ALG12: variants seen among roughly 807,000 people sequenced by gnomAD.
ALG12 encodes ALG12 alpha-1,6-mannosyltransferase, also known as dol-P-Man:Man(7)GlcNAc(2)-PP-Dol alpha-1,6-mannosyltransferase.
A neutral mutation model predicts 46.0 loss-of-function variants in ALG12; 36 were observed. The ratio of observed to expected loss-of-function variants is 0.78; its 90% CI spans 0.60 to 1.03. The LOEUF (loss-of-function observed/expected upper bound fraction) is 1.03. Among genes scored for constraint, ALG12 ranks in the 50% least tolerant of loss-of-function variants. The pLI, the probability that ALG12 is intolerant of heterozygous loss-of-function variation, is 0.00. For missense variants in ALG12, 599 were observed against 633.5 expected (o/e 0.95, Z 0.58); for synonymous variants, 326 against 291.6 (o/e 1.12, Z -1.20).
chr22:49,889,509 T>G, the ALG12 span: 1 of 167,260 alleles, frequency 6.0e-6, no homozygotes, highest in Non-Finnish European at 1.5e-5. Flanking sequence ...GCTGCTGTAT[T>G]TTTAGTTGAA....
rs2060498810 is a variant in ALG12, at chr22:49,900,315, G to T, written c.*3523C>A. 6.6e-6 allele frequency: 1 copy of T among 152,224 alleles called. No individual in the cohort carries two copies. The highest frequency in any genetic ancestry group is 2.4e-5 in the African/African-American group (1 of 41,452). The allele number at this position is 152,224 out of a possible 1,614,324, so 9.4% of individuals were successfully genotyped here. A position where few individuals can be genotyped will look rare whatever the true frequency, so the allele number is the denominator to read the frequency against. ...ATGCTCATTACCAAAAAGCGAGGAGGAGGTACAGGAGGGAGTGGCTCCCTG... is the reference window on the plus strand; with the variant it reads ...ATGCTCATTACCAAAAAGCGAGGAGTAGGTACAGGAGGGAGTGGCTCCCTG... On this transcript the variant is annotated 3_prime_UTR_variant, in exon 10 of 10. Coordinates refer to ENST00000330817, the MANE Select transcript of ALG12 (RefSeq NM_024105.4).
intron 3 of ALG12, 35 bp from the exon 4 acceptor site, chr22:49,910,642 G>C: frequency 6.2e-7 from 1 of 1,613,682 alleles, no homozygotes; most frequent in Non-Finnish European, 8.5e-7. Flanking sequence ...TGAGCCTGCA[G>C]TGGAGGAGTA....
chr22:49,916,297 C>T (rs2060608854), intron 1 of ALG12, among the ~76,000 whole-genome samples: 1 of 151,250 alleles, frequency 6.6e-6, no homozygotes, highest in Admixed American at 6.6e-5. Flanking sequence ...AAATATGTTC[C>T]AACGGCCGGG....
At chr22:49,862,189 C>T in the ALG12 span, among the ~76,000 whole-genome samples, 3,438 of 152,362 alleles carry the variant, frequency 0.023, 139 homozygotes, top group African/African-American at 0.078. Context: ...AGTAAGTCCC[C>T]GAGGGCGGTT....
the ALG12 span, chr22:49,885,035 A>T: frequency 6.2e-7 from 1 of 1,612,794 alleles, no homozygotes; most frequent in South Asian, 1.1e-5. Flanking sequence ...AAAAGACTGA[A>T]GTCGGAGGTC....
At chr22:49,885,463 C>T in the ALG12 span, 5 of 1,612,210 alleles carry the variant, frequency 3.1e-6, no homozygotes, top group East Asian at 2.2e-5. Context: ...CAGCTGTCTT[C>T]TGAGACATTT....
chr22:49,906,003 C>T lies in ALG12; in HGVS notation c.993-1497G>A, dbSNP rs1233555300. On this transcript the variant is annotated intron_variant, in intron 7 of 9. Transcript: ENST00000330817. This position sits in a 1 kb window ranked among gnomAD's most constrained non-coding sequence, Gnocchi z 4.4. ...GTCTCAAGGCCCTGGGCCCTGACAC[C>T]GTGGGAAACGGCCTGCTCTTGCTCC... Among the ~76,000 whole-genome samples the T allele has an allele frequency of 6.6e-5, 10 of 152,142 alleles. No individual in the cohort carries two copies. The highest frequency in any genetic ancestry group is 3.9e-4 in the Admixed American group (6 of 15,278).
chr22:49,880,353 C>T, the ALG12 span, among the ~76,000 whole-genome samples: 90 of 152,218 alleles, frequency 5.9e-4, no homozygotes, highest in Non-Finnish European at 1.1e-3. Flanking sequence ...AGTATTCAGC[C>T]AAAGACACGA....
At chr22:49,912,768 G>A (rs1006963395) in intron 3 of ALG12, among the ~76,000 whole-genome samples, 3 of 152,204 alleles carry the variant, frequency 2.0e-5, no homozygotes, top group Non-Finnish European at 2.9e-5. Flanking sequence ...GTGGGAGGCT[G>A]AGGTGGGACA....
chr22:49,892,187 C>CAAAAAAAAAAAAAA, the ALG12 span, among the ~76,000 whole-genome samples: 2 of 55,342 alleles, frequency 3.6e-5, no homozygotes, highest in Non-Finnish European at 7.3e-5. Flanking sequence ...GACTCTGTCT[C>CAAAAAAAAAAAAAA]AAAAAAAAAA....
chr22:49,875,521 A>C, the ALG12 span, among the ~76,000 whole-genome samples: 1 of 151,216 alleles, frequency 6.6e-6, no homozygotes, highest in Non-Finnish European at 1.5e-5. Context: ...CCCGGGTTCC[A>C]GGGATTCTCC....
At chr22:49,875,394 C>T in the ALG12 span, among the ~76,000 whole-genome samples, 1 of 149,228 alleles carries the variant, frequency 6.7e-6, no homozygotes, top group East Asian at 1.9e-4. Context: ...TTGTCCATTT[C>T]ATCTGAGTTG....
rs977784083 is a variant in ALG12, at chr22:49,902,253, T to C, written c.*1585A>G. On this transcript the variant is annotated 3_prime_UTR_variant, in exon 10 of 10. Coordinates refer to ENST00000330817, the MANE Select transcript of ALG12 (RefSeq NM_024105.4). ...ATGGTGTGTGCACGTGTGCACTGTG[T>C]ATGCATGGTGTGTGCATGTGTGCAC... 3 of 140,538 alleles carry C rather than the reference T, an allele frequency of 2.1e-5. 1 individual carries two copies. Among genetic ancestry groups the C allele is most frequent in the Admixed American group, 1.4e-4 (2 of 14,780 alleles). The allele number at this position is 140,538 out of a possible 1,614,324, so 8.7% of individuals were successfully genotyped here. A position where few individuals can be genotyped will look rare whatever the true frequency, so the allele number is the denominator to read the frequency against.
At chr22:49,884,539 C>T in the ALG12 span, 1 of 1,613,882 alleles carries the variant, frequency 6.2e-7, no homozygotes, top group Non-Finnish European at 8.5e-7. Context: ...TGTCTGGAAG[C>T]ACTTCTACCT....
chr22:49,912,775 G>A (rs1338442179), intron 3 of ALG12, among the ~76,000 whole-genome samples: 1 of 152,180 alleles, frequency 6.6e-6, no homozygotes, highest in Non-Finnish European at 1.5e-5. Context: ...GCTGAGGTGG[G>A]ACAATCACTT....
intron 1 of ALG12, among the ~76,000 whole-genome samples, chr22:49,917,460 C>G (rs1420085187): frequency 6.6e-6 from 1 of 152,174 alleles, no homozygotes; most frequent in Non-Finnish European, 1.5e-5. Context: ...CGCTTGAGGT[C>G]AGGACTTCGA....
the ALG12 span, among the ~76,000 whole-genome samples, chr22:49,864,437 T>C: frequency 6.6e-6 from 1 of 152,156 alleles, no homozygotes; most frequent in African/African-American, 2.4e-5. Context: ...AACTACAGAG[T>C]GTGTAGCCAT....
At chr22:49,916,518 T>C (rs1420936795) in intron 1 of ALG12, among the ~76,000 whole-genome samples, 9 of 152,180 alleles carry the variant, frequency 5.9e-5, no homozygotes, top group African/African-American at 1.9e-4. Context: ...AGGCAGAGGT[T>C]GCAGCAAGCC....
Position 49,906,997 on chromosome 22 carries a change from C to T in ALG12, c.992+724G>A, listed in dbSNP as rs2060545806. Among the ~76,000 whole-genome samples, 1 of 152,200 alleles carries T rather than the reference C, an allele frequency of 6.6e-6. No individual in the cohort carries two copies. ...CCAGGCCCTGCCAGGCCCCCAGCTC[C>T]ACCTCCATCACCTGCTGCCTGCAGT... On this transcript the variant is annotated intron_variant, in intron 7 of 9. Transcript: ENST00000330817. This position sits in a 1 kb window ranked among gnomAD's most constrained non-coding sequence, Gnocchi z 4.4.
Sources: allele counts gnomAD v4.1 joint callset (sites outside exome capture counted in the v4.1 genomes callset), GRCh38; gene constraint gnomAD v4.1.1; non-coding constraint Gnocchi (gnomAD v3.1); transcripts MANE v1.5; gene names NCBI Gene and HGNC (gene_info 2026-07-23, HGNC 2026-07-21).